CSMD1: variants seen among roughly 807,000 people sequenced by gnomAD.
CSMD1 encodes CUB and sushi domain-containing protein 1.
A neutral mutation model predicts 417.5 loss-of-function variants in CSMD1; 213 were observed. That is an observed-to-expected ratio of 0.51 (90% CI 0.46 to 0.57). The LOEUF is 0.57. Among genes scored for constraint, CSMD1 ranks in the 20% least tolerant of loss-of-function variants. CSMD1 has a pLI of 0.00. For synonymous variants in CSMD1, 2,862 were observed against 1,736.8 expected, an observed-to-expected ratio of 1.65 and a Z score of -16.11; for missense variants, 6,923 against 4,529.7, an observed-to-expected ratio of 1.53 and a Z score of -15.17.
chr8:4,825,568 T>A (rs190814955), intron 1 of CSMD1, among the ~76,000 whole-genome samples: 1 of 145,684 alleles, frequency 6.9e-6, no homozygotes, highest in Admixed American at 6.8e-5. Flanking sequence ...CTGTCTTAGA[T>A]ACTTCATACA....
chr8:3,953,536 G>T (rs973053428), intron 5 of CSMD1, among the ~76,000 whole-genome samples: 69 of 152,070 alleles, frequency 4.5e-4, no homozygotes, highest in African/African-American at 1.4e-3. Flanking sequence ...TGCCCTGAGT[G>T]GAGTTTTACA....
chr8:3,915,839 A>C (rs377062481), intron 5 of CSMD1, among the ~76,000 whole-genome samples: 47 of 147,800 alleles, frequency 3.2e-4, no homozygotes, highest in African/African-American at 1.1e-3. Context: ...AACATTTTAC[A>C]TATCACCCCA....
chr8:4,049,911 G>T (rs1465568820), intron 3 of CSMD1, among the ~76,000 whole-genome samples: 1 of 27,470 alleles, frequency 3.6e-5, no homozygotes, highest in Non-Finnish European at 5.7e-5. Context: ...TCTGTTTCAG[G>T]AATCCATTCG....
At position 4,381,797 on chromosome 8, in the gene CSMD1, C is replaced by G. The variant is rs554135609; in HGVS notation, c.415+38156G>C. 2.1e-4 allele frequency among the ~76,000 whole-genome samples: 32 copies of G among 152,112 alleles called. 1 individual carries two copies. The highest frequency in any genetic ancestry group is 7.5e-4 in the African/African-American group (31 of 41,492). Reference sequence around the variant, plus strand: ...TTTCCTTTTTCTAGTTGACCTTTTTCTGCTGATGACTTAGTTTCATCTTTT... The same window carrying G: ...TTTCCTTTTTCTAGTTGACCTTTTTGTGCTGATGACTTAGTTTCATCTTTT... On this transcript the variant is annotated intron_variant, in intron 3 of 69. Coordinates refer to ENST00000635120, the MANE Select transcript of CSMD1 (RefSeq NM_033225.6).
intron 38 of CSMD1, among the ~76,000 whole-genome samples, chr8:3,160,689 G>A (rs946426125): frequency 2.0e-5 from 3 of 152,160 alleles, no homozygotes; most frequent in Non-Finnish European, 2.9e-5. Flanking sequence ...ATTGATACTG[G>A]TTTCTAATAA....
intron 1 of CSMD1, among the ~76,000 whole-genome samples, chr8:4,665,075 C>G (rs1804832443): frequency 6.6e-6 from 1 of 152,082 alleles, no homozygotes; most frequent in African/African-American, 2.4e-5. Context: ...ATTAGTTTCC[C>G]TTTACTCTCC....
intron 11 of CSMD1, among the ~76,000 whole-genome samples, chr8:3,492,835 TC>T (rs200516718): frequency 2.6e-5 from 4 of 151,352 alleles, no homozygotes; most frequent in Admixed American, 2.6e-4. Flanking sequence ...CCAACACTTT[TC>T]CCCCCCATGT....
At chr8:4,736,211 G>C (rs1446541104) in intron 1 of CSMD1, among the ~76,000 whole-genome samples, 1 of 152,020 alleles carries the variant, frequency 6.6e-6, no homozygotes, top group Non-Finnish European at 1.5e-5. Flanking sequence ...GCAGGACAGG[G>C]AAAAATGCTG....
intron 4 of CSMD1, among the ~76,000 whole-genome samples, chr8:4,011,091 C>A (rs185182108): frequency 6.6e-6 from 1 of 152,284 alleles, no homozygotes; most frequent in African/African-American, 2.4e-5. Context: ...TTCCATTTCA[C>A]AAAGAAAATA....
At chr8:4,620,133 C>T (rs544725178) in intron 2 of CSMD1, among the ~76,000 whole-genome samples, 28 of 151,804 alleles carry the variant, frequency 1.8e-4, no homozygotes, top group Admixed American at 5.9e-4. Flanking sequence ...ATACATTTTT[C>T]CCTTTTTAAG....
intron 7 of CSMD1, among the ~76,000 whole-genome samples, chr8:3,681,581 G>C (rs1170960187): frequency 1.3e-5 from 2 of 152,162 alleles, no homozygotes; most frequent in South Asian, 4.1e-4. Context: ...TTATGGATAG[G>C]AAGAGTAAAT....
intron 5 of CSMD1, among the ~76,000 whole-genome samples, chr8:3,902,615 G>C (rs1470781618): frequency 6.6e-6 from 1 of 151,980 alleles, no homozygotes; most frequent in African/African-American, 2.4e-5. Flanking sequence ...TGTCGCCGCC[G>C]ATCTGAGAGG....
chr8:2,941,417 T>G (rs1321234945), intron 69 of CSMD1, among the ~76,000 whole-genome samples: 1 of 152,248 alleles, frequency 6.6e-6, no homozygotes, highest in African/African-American at 2.4e-5. Context: ...ATTTAACCTA[T>G]CTAATTTTAT....
chr8:4,909,756 A>G (rs1805536210), intron 1 of CSMD1, among the ~76,000 whole-genome samples: 1 of 152,130 alleles, frequency 6.6e-6, no homozygotes, highest in Non-Finnish European at 1.5e-5. Context: ...TATAGCTCCT[A>G]TAGTCTCTGA....
chr8:3,288,731 T>A (rs1380956250), intron 25 of CSMD1, among the ~76,000 whole-genome samples: 1 of 147,248 alleles, frequency 6.8e-6, no homozygotes, highest in Non-Finnish European at 1.5e-5. Flanking sequence ...TCAATTTTGT[T>A]GATCTTTTCA....
intron 3 of CSMD1, among the ~76,000 whole-genome samples, chr8:4,108,323 G>A (rs914689704): frequency 6.6e-6 from 1 of 152,088 alleles, no homozygotes; most frequent in Non-Finnish European, 1.5e-5. Flanking sequence ...TGTAAAAATT[G>A]GGTGTTGTAT....
rs1436687627 is a variant in CSMD1 at position 4,931,894 on chromosome 8, T to G, written c.85+62438A>C. On this transcript the variant is annotated intron_variant, in intron 1 of 69. Transcript: ENST00000635120. ...GTTTATTGATTGTTATATGGAGATA[T>G]GTACTTTAGAAATGTCCCTTGGACA... Among the ~76,000 whole-genome samples the G allele has an allele frequency of 3.3e-5, 5 of 152,338 alleles. No individual in the cohort carries two copies. The South Asian group carries it at 8.3e-4, about 25-fold the overall frequency.
chr8:4,071,538 C>T (rs1799558977), intron 3 of CSMD1, among the ~76,000 whole-genome samples: 1 of 152,124 alleles, frequency 6.6e-6, no homozygotes. Context: ...GTAATAACAG[C>T]TGCATTAAAA....
At chr8:3,342,713 A>T (rs112431708) in intron 23 of CSMD1, among the ~76,000 whole-genome samples, 7 of 152,190 alleles carry the variant, frequency 4.6e-5, no homozygotes, top group African/African-American at 1.7e-4. Context: ...TGGGAGCTAC[A>T]GCTTCAATCC....
Sources: gnomAD v4.1 joint callset for allele counts (sites outside exome capture counted in the v4.1 genomes callset) on GRCh38, gnomAD v4.1.1 for gene constraint, MANE v1.5 for transcripts, NCBI Gene and HGNC (gene_info 2026-07-23, HGNC 2026-07-21) for gene names.